SGCZ: variants seen among roughly 807,000 people sequenced by gnomAD.
SGCZ encodes the protein zeta-sarcoglycan.
A neutral mutation model predicts 41.3 loss-of-function variants in SGCZ; 40 were observed. That is an observed-to-expected ratio of 0.97 (90% CI 0.75 to 1.26). SGCZ has a LOEUF of 1.26. SGCZ is among the 50% of genes most tolerant of loss of function. SGCZ has a pLI of 0.00. For synonymous variants in SGCZ, 206 were observed against 137.5 expected, an observed-to-expected ratio of 1.50 and a Z score of -3.49; for missense variants, 552 against 369.8, an observed-to-expected ratio of 1.49 and a Z score of -4.04.
At chr8:14,813,455 T>C (rs533954465) in intron 1 of SGCZ, among the ~76,000 whole-genome samples, 1 of 152,300 alleles carries the variant, frequency 6.6e-6, no homozygotes, top group East Asian at 1.9e-4. Context: ...TCTGATAAAT[T>C]GTTCGTTACA....
At chr8:14,441,862 C>A (rs1352922852) in intron 2 of SGCZ, among the ~76,000 whole-genome samples, 4 of 152,136 alleles carry the variant, frequency 2.6e-5, no homozygotes, top group Admixed American at 1.3e-4. Context: ...TGACCTGACA[C>A]TGAGAATGTT....
At chr8:14,767,013 C>T (rs1800057640) in intron 1 of SGCZ, among the ~76,000 whole-genome samples, 1 of 152,096 alleles carries the variant, frequency 6.6e-6, no homozygotes, top group African/African-American at 2.4e-5. Flanking sequence ...GCAAACATCC[C>T]ATGCTTAACA....
At position 14,404,222 on chromosome 8, in the gene SGCZ, GT is replaced by G. The variant is rs557606418; in HGVS notation, c.235-80019del. Among the ~76,000 whole-genome samples, 7 of 152,142 alleles carry G rather than the reference GT, an allele frequency of 4.6e-5. No individual in the cohort carries two copies. In the South Asian group the frequency reaches 1.0e-3, roughly 23 times the overall value. The stretch of plus-strand genomic sequence containing the variant: ...TATATACATTTGTCAAGTGCAATTT[GT>G]TTTTTTAATCACATAAAACTTTGCC... On this transcript the variant is annotated intron_variant, in intron 2 of 7. Transcript: ENST00000382080.
intron 1 of SGCZ, among the ~76,000 whole-genome samples, chr8:14,965,159 G>T (rs1359701295): frequency 1.3e-5 from 2 of 152,046 alleles, no homozygotes; most frequent in Admixed American, 6.6e-5. Context: ...AAATCTCTGC[G>T]GCCATAGTTC....
intron 1 of SGCZ, among the ~76,000 whole-genome samples, chr8:14,608,996 T>G (rs1431483434): frequency 6.6e-6 from 1 of 152,194 alleles, no homozygotes; most frequent in Non-Finnish European, 1.5e-5. Flanking sequence ...CCTTTAAAAT[T>G]TATTATTATG....
At chr8:14,581,004 G>GC (rs2065841557) in intron 1 of SGCZ, among the ~76,000 whole-genome samples, 1 of 152,214 alleles carries the variant, frequency 6.6e-6, no homozygotes, top group Non-Finnish European at 1.5e-5. Context: ...CATAGCTACT[G>GC]CATTACACTG....
chr8:14,491,955 G>T (rs1801854111), intron 2 of SGCZ, among the ~76,000 whole-genome samples: 1 of 144,848 alleles, frequency 6.9e-6, no homozygotes, highest in Non-Finnish European at 1.6e-5. Flanking sequence ...CTCAGAAATT[G>T]TTCAATAAAT....
chr8:14,319,605 G>T (rs554941314), intron 3 of SGCZ: 2 of 152,090 alleles, frequency 1.3e-5, no homozygotes, highest in East Asian at 3.9e-4. Flanking sequence ...AATGAACTGA[G>T]AAATGGAAAA....
chr8:14,423,088 C>T (rs1799679050), intron 2 of SGCZ, among the ~76,000 whole-genome samples: 1 of 151,410 alleles, frequency 6.6e-6, no homozygotes, highest in African/African-American at 2.4e-5. Flanking sequence ...CATGAGTGTT[C>T]ATAGGTAAAC....
At chr8:15,015,726 CGTGTGT>C (rs60624490) in intron 1 of SGCZ, among the ~76,000 whole-genome samples, 7,028 of 125,078 alleles carry the variant, frequency 0.056, 207 homozygotes, top group African/African-American at 0.075. Flanking sequence ...GAAATATACA[CGTGTGT>C]GTGTGTGTGT....
At chr8:14,932,611 G>A (rs1799950700) in intron 1 of SGCZ, among the ~76,000 whole-genome samples, 1 of 151,960 alleles carries the variant, frequency 6.6e-6, no homozygotes, top group Non-Finnish European at 1.5e-5. Context: ...ATTATCCTCA[G>A]AATAGCTCTC....
intron 5 of SGCZ, among the ~76,000 whole-genome samples, chr8:14,160,865 A>G (rs1462883752): frequency 1.3e-5 from 2 of 152,198 alleles, no homozygotes; most frequent in Admixed American, 1.3e-4. Flanking sequence ...AGATATACAG[A>G]CACATCCCTT....
chr8:14,328,749 T>A (rs143946471), intron 2 of SGCZ, among the ~76,000 whole-genome samples: 73 of 152,308 alleles, frequency 4.8e-4, no homozygotes, highest in African/African-American at 1.6e-3. Flanking sequence ...AATTTAGGTG[T>A]TGAAACTTAA....
At chr8:14,619,242 C>T (rs969550286) in intron 1 of SGCZ, among the ~76,000 whole-genome samples, 1 of 151,954 alleles carries the variant, frequency 6.6e-6, no homozygotes, top group African/African-American at 2.4e-5. Context: ...ATTCAACAAC[C>T]TTCATGCTAA....
intron 2 of SGCZ, among the ~76,000 whole-genome samples, chr8:14,350,230 C>T (rs1803039866): frequency 1.3e-5 from 2 of 150,030 alleles, no homozygotes; most frequent in Admixed American, 6.8e-5. Flanking sequence ...ATTCAATAAT[C>T]TTAAGGAGCA....
At chr8:14,828,568 G>T (rs1318459025) in intron 1 of SGCZ, among the ~76,000 whole-genome samples, 2 of 152,156 alleles carry the variant, frequency 1.3e-5, no homozygotes, top group African/African-American at 2.4e-5. Flanking sequence ...CAGAAAACAT[G>T]ACTTCATCCA....
chr8:14,693,465 T>C (rs1808863978), intron 1 of SGCZ, among the ~76,000 whole-genome samples: 1 of 151,900 alleles, frequency 6.6e-6, no homozygotes, highest in Non-Finnish European at 1.5e-5. Flanking sequence ...ATAATTTTTG[T>C]AGTTTTAGTA....
At chr8:14,887,137 A>G (rs1218005260) in intron 1 of SGCZ, among the ~76,000 whole-genome samples, 1 of 152,162 alleles carries the variant, frequency 6.6e-6, no homozygotes, top group Non-Finnish European at 1.5e-5. Context: ...TGGAAATGCC[A>G]AACAGACAGA....
At position 14,753,812 on chromosome 8, in the gene SGCZ, G is replaced by C. The variant is rs566577535; in HGVS notation, c.40-198886C>G. ...AAATCTGGAATTATTATTCTGGATG[G>C]AGAAGCCCAGGGTGGACAACTTTCA... On this transcript the variant is annotated intron_variant, in intron 1 of 7. Coordinates refer to ENST00000382080, the MANE Select transcript of SGCZ (RefSeq NM_139167.4). 1.9e-4 allele frequency among the ~76,000 whole-genome samples: 29 copies of C among 152,312 alleles called. No individual in the cohort carries two copies. The South Asian group carries it at 6.0e-3, about 32-fold the overall frequency.
Sources: allele counts gnomAD v4.1 joint callset (sites outside exome capture counted in the v4.1 genomes callset), GRCh38; gene constraint gnomAD v4.1.1; transcripts MANE v1.5; gene names NCBI Gene and HGNC (gene_info 2026-07-23, HGNC 2026-07-21).